Variants in ARHGAP22 observed in about 807,000 individuals in gnomAD.
ARHGAP22 encodes Rho GTPase activating protein 22.
ARHGAP22 carries 48 observed loss-of-function variants against 59.1 expected under a neutral mutation model. The observed-to-expected ratio is 0.81, with a 90% CI of 0.64 to 1.03. ARHGAP22 has a LOEUF of 1.03. ARHGAP22 is among the 50% of genes least tolerant of loss of function. The pLI is 0.00. For synonymous variants in ARHGAP22, 445 were observed against 416.4 expected, an observed-to-expected ratio of 1.07 and a Z score of -0.84; for missense variants, 1,015 against 958.7, an observed-to-expected ratio of 1.06 and a Z score of -0.78.
At chr10:48,615,170 C>G (rs1173492067) in intron 1 of ARHGAP22, among the ~76,000 whole-genome samples, 1 of 152,200 alleles carries the variant, frequency 6.6e-6, no homozygotes, top group Non-Finnish European at 1.5e-5. Context: ...AAACTCTAAC[C>G]TAAGGCCAAC....
chr10:48,464,270 G>A (rs936123807), intron 4 of ARHGAP22, among the ~76,000 whole-genome samples: 1 of 152,158 alleles, frequency 6.6e-6, no homozygotes, highest in Admixed American at 6.5e-5. Flanking sequence ...CAGACCCTAG[G>A]GGTGCAGAGC....
At chr10:48,516,035 CAAAA>C (rs1197803665) in intron 3 of ARHGAP22, among the ~76,000 whole-genome samples, 1 of 149,698 alleles carries the variant, frequency 6.7e-6, no homozygotes, top group Non-Finnish European at 1.5e-5. Flanking sequence ...AAACAAAAAA[CAAAA>C]AAACTAGAAA....
At chr10:48,614,090 A>G (rs2060993054) in intron 1 of ARHGAP22, among the ~76,000 whole-genome samples, 1 of 152,224 alleles carries the variant, frequency 6.6e-6, no homozygotes. Flanking sequence ...ATTTATGTTC[A>G]CTATAAATTA....
chr10:48,503,697 A>G (rs897753086), intron 3 of ARHGAP22, among the ~76,000 whole-genome samples: 1 of 152,226 alleles, frequency 6.6e-6, no homozygotes, highest in African/African-American at 2.4e-5. Flanking sequence ...AAGTGATGGA[A>G]CTGCAATGTG....
chr10:48,599,210 T>A (rs2060244488), intron 1 of ARHGAP22, among the ~76,000 whole-genome samples: 1 of 152,130 alleles, frequency 6.6e-6, no homozygotes, highest in African/African-American at 2.4e-5. Context: ...AAGAGGTAGG[T>A]CAAAGCCTGC....
intron 3 of ARHGAP22, among the ~76,000 whole-genome samples, chr10:48,485,135 T>TTGCC (rs2049724131): frequency 6.6e-6 from 1 of 152,236 alleles, no homozygotes; most frequent in Non-Finnish European, 1.5e-5. Flanking sequence ...AGGTTGTAGG[T>TTGCC]TGCCGACTTG....
chr10:48,451,656 A>G, intron 8 of ARHGAP22: 1 of 495,224 alleles, frequency 2.0e-6, no homozygotes, highest in Non-Finnish European at 3.6e-6. Context: ...CACCCCGCCC[A>G]CCCCCTAAAA....
At position 48,495,040 on chromosome 10, in the gene ARHGAP22, T is replaced by C. The variant is rs199621958; in HGVS notation, c.323-15276A>G. Among the ~76,000 whole-genome samples the C allele has an allele frequency of 5.9e-5, 9 of 152,362 alleles. No individual in the cohort carries two copies. The East Asian group carries it at 1.3e-3, about 23-fold the overall frequency. ...CCAATTAGTCTTACACGACTTTCTC[T>C]ATAGAACTTATCCTGATTGGAAAGC... is the stretch of plus-strand genomic sequence containing the variant. On this transcript the variant is annotated intron_variant, in intron 3 of 9. Coordinates refer to ENST00000249601, the MANE Select transcript of ARHGAP22 (RefSeq NM_021226.4).
Position 48,539,451 on chromosome 10 carries a change from C to T in ARHGAP22, c.322+16012G>A, listed in dbSNP as rs528670152. Among the ~76,000 whole-genome samples, 14 of 150,930 alleles carry T rather than the reference C, an allele frequency of 9.3e-5. No individual in the cohort carries two copies. In the East Asian group the frequency reaches 2.5e-3, roughly 27 times the overall value. On this transcript the variant is annotated intron_variant, in intron 3 of 9. Coordinates refer to ENST00000249601, the MANE Select transcript of ARHGAP22 (RefSeq NM_021226.4). ...GGACTACAGGCGCCCGCCACTACGC[C>T]CGGCTAATTTTTTGTATTTTTAGTA...
At chr10:48,436,458 AC>A in the ARHGAP22 span, 1 of 152,142 alleles carries the variant, frequency 6.6e-6, no homozygotes, top group Non-Finnish European at 1.5e-5. Flanking sequence ...TCTGTAATAG[AC>A]CCAGGCACCT....
intron 1 of ARHGAP22, chr10:48,652,201 C>G: frequency 6.6e-7 from 1 of 1,523,228 alleles, no homozygotes; most frequent in Non-Finnish European, 8.8e-7. Flanking sequence ...CAAAGGTAAT[C>G]ATTTCCCACA....
upstream of ARHGAP22, among the ~76,000 whole-genome samples, chr10:48,609,191 C>T (rs1432509428): frequency 1.3e-5 from 2 of 152,210 alleles, no homozygotes; most frequent in Non-Finnish European, 2.9e-5. Context: ...TCTGTCTGCC[C>T]CAGTCACTGT....
At chr10:48,654,818 CT>C (rs772769718), upstream of ARHGAP22, among the ~76,000 whole-genome samples, 5,637 of 92,830 alleles carry the variant, frequency 0.061, 132 homozygotes, top group East Asian at 0.094. Context: ...TTCTTTCTTT[CT>C]TTCTTTCTTC....
chr10:48,563,025 C>T (rs1418083295), intron 2 of ARHGAP22, among the ~76,000 whole-genome samples: 2 of 152,040 alleles, frequency 1.3e-5, no homozygotes, highest in East Asian at 3.9e-4. Flanking sequence ...ATCTGTTTCT[C>T]ACTTTTCCAG....
intron 4 of ARHGAP22, among the ~76,000 whole-genome samples, chr10:48,465,611 G>T (rs761881853): frequency 6.6e-6 from 1 of 152,232 alleles, no homozygotes; most frequent in Non-Finnish European, 1.5e-5. Context: ...CCGCATCAGG[G>T]AAGGGAGACC....
At chr10:48,462,119 G>A (rs529195684) in intron 4 of ARHGAP22, among the ~76,000 whole-genome samples, 4 of 152,304 alleles carry the variant, frequency 2.6e-5, no homozygotes, top group East Asian at 1.9e-4. Context: ...AAGTGTGTAC[G>A]CACATGTGTG....
At chr10:48,649,090 C>A (rs1663654397) in intron 1 of ARHGAP22, among the ~76,000 whole-genome samples, 1 of 152,192 alleles carries the variant, frequency 6.6e-6, no homozygotes, top group South Asian at 2.1e-4. Flanking sequence ...CTCATCAGAT[C>A]AGTCCTGTGC....
chr10:48,506,688 G>GC (rs937637302), intron 3 of ARHGAP22, among the ~76,000 whole-genome samples: 17 of 152,040 alleles, frequency 1.1e-4, no homozygotes, highest in African/African-American at 2.4e-4. Flanking sequence ...AAGTGCATGC[G>GC]CCCCCACCAA....
intron 3 of ARHGAP22, among the ~76,000 whole-genome samples, chr10:48,551,998 C>T (rs577656205): frequency 2.0e-5 from 3 of 152,260 alleles, no homozygotes; most frequent in Non-Finnish European, 4.4e-5. Context: ...ACAGGGCCTG[C>T]ACTTTCTGGC....
Sources: gnomAD v4.1 joint callset for allele counts (sites outside exome capture counted in the v4.1 genomes callset) on GRCh38, gnomAD v4.1.1 for gene constraint, MANE v1.5 for transcripts, NCBI Gene and HGNC (gene_info 2026-07-23, HGNC 2026-07-21) for gene names.